Variants in LIAS observed in about 807,000 individuals in gnomAD.
The protein encoded by LIAS is lipoyl synthase, mitochondrial.
Under a neutral mutation model 49.4 loss-of-function variants are expected in LIAS, and 36 were observed. The ratio of observed to expected loss-of-function variants is 0.73; its 90% CI spans 0.56 to 0.96. The LOEUF is 0.96. Ranked by LOEUF, LIAS falls within the 40% of genes least tolerant of loss-of-function variation. LIAS has a pLI of 0.00. For missense variants in LIAS, 399 were observed against 456.3 expected (o/e 0.87, Z 1.14); for synonymous variants, 145 against 155.8 (o/e 0.93, Z 0.52).
At position 39,471,517 on chromosome 4, in the gene LIAS, A is replaced by ATTTTTTT. The variant is rs766866733; in HGVS notation, c.954+232_954+238dup. Among the ~76,000 whole-genome samples, 29 of 74,350 alleles carry ATTTTTTT rather than the reference A, an allele frequency of 3.9e-4. 1 individual carries two copies. The highest frequency in any genetic ancestry group is 6.3e-4 in the South Asian group (1 of 1,576). 48.8% of individuals were successfully genotyped at this position (74,350 alleles called of 152,430 possible). A position where few individuals can be genotyped will look rare whatever the true frequency, so the allele number is the denominator to read the frequency against. ...TCCGGCTAAAATATACATATATATA[A>ATTTTTTT]TTTTTTTTTTTTTTTTTTTTTTTTT... On this transcript the variant is annotated intron_variant, in intron 9 of 10. Transcript: ENST00000640888.
At chr4:39,474,618 T>C (rs891977815) in intron 10 of LIAS, among the ~76,000 whole-genome samples, 1 of 151,414 alleles carries the variant, frequency 6.6e-6, no homozygotes, top group African/African-American at 2.4e-5. Context: ...TTTTTTTAGA[T>C]GCAGTCTCTC....
At chr4:39,473,005 C>A (rs899880204) in intron 9 of LIAS, 95 bp from the exon 10 acceptor site, 2 of 690,452 alleles carry the variant, frequency 2.9e-6, no homozygotes, top group African/African-American at 3.6e-5. Flanking sequence ...AGATAAATTA[C>A]GCAGTGAAGA....
intron 2 of LIAS, among the ~76,000 whole-genome samples, chr4:39,461,293 T>A (rs1744487738): frequency 6.6e-6 from 1 of 152,236 alleles, no homozygotes; most frequent in South Asian, 2.1e-4. Flanking sequence ...GTGCTTCTCC[T>A]AGTCAATTTA....
At chr4:39,471,182 T>C in intron 8 of LIAS, 54 bp from the exon 9 acceptor site, 1 of 1,320,092 alleles carries the variant, frequency 7.6e-7, no homozygotes, top group Non-Finnish European at 1.1e-6. Context: ...AAAATTATGC[T>C]TAGATCTACA....
Position 39,473,119 on chromosome 4 carries a change from C to T in LIAS, c.974C>T (p.Pro325Leu). 1 of 1,596,900 alleles carries T rather than the reference C, an allele frequency of 6.3e-7. No homozygotes were observed. The highest frequency in any genetic ancestry group is 8.6e-7 in the Non-Finnish European group (1 of 1,164,380). ...RHLKVEEYIT[P>L]EKFKYWEKVG... is the part of the protein sequence containing the mutation. ...ATCTAGGTTGAAGAATATATTACTC[C>T]TGAAAAATTCAAATACTGGGAAAAA... Residue 325 changes from proline (P) to leucine (L), a missense_variant, in exon 10 of 11, where the codon CCT becomes CTT. By Grantham distance (98) the Pro-to-Leu change is moderately conservative. Around this residue, in one of 3 missense-constraint regions of LIAS, gnomAD observed 234 missense variants for 292.2 expected, o/e 0.80. Transcript: ENST00000640888.
chr4:39,460,783 T>C lies in LIAS; in HGVS notation c.46-7T>C, dbSNP rs757971565. 2.6e-6 allele frequency: 4 copies of C among 1,557,122 alleles called. No individual in the cohort carries two copies. The highest frequency in any genetic ancestry group is 4.2e-5 in the Admixed American group (2 of 47,978). On this transcript the variant is annotated splice_region_variant and splice_polypyrimidine_tract_variant and intron_variant, in intron 1 of 10. Coordinates refer to ENST00000640888, the MANE Select transcript of LIAS (RefSeq NM_006859.4). ...TAAATAAACGTCATAATTAACTCTT[T>C]CTTTAGGTATTTGGGAGATATTTTT...
chr4:39,463,586 C>T lies in LIAS; in HGVS notation c.374C>T (p.Thr125Ile). The T allele has an allele frequency of 6.2e-7, 1 of 1,612,550 alleles. No individual in the cohort carries two copies. ...GECWGGGEYA[T>I]ATATIMLMGD... ...TGTTGGGGAGGTGGAGAATATGCCA[C>T]CGCCACAGCCACGATCATGGTAGGG... The change falls in exon 4 of 11, where the codon ACC (threonine) becomes ATC (isoleucine). Residue 125 changes from threonine (T) to isoleucine (I), a missense_variant. This residue lies in a region of LIAS where 6 missense variants were observed against 16.6 expected (regional missense o/e 0.36). Coordinates refer to ENST00000640888, the MANE Select transcript of LIAS (RefSeq NM_006859.4).
At chr4:39,463,916 A>G (rs1744652344) in intron 4 of LIAS, 1 of 264,408 alleles carries the variant, frequency 3.8e-6, no homozygotes, top group African/African-American at 2.2e-5. Context: ...TTTCTGTTTA[A>G]CATATTCAAC....
intron 4 of LIAS, among the ~76,000 whole-genome samples, chr4:39,464,600 A>G (rs142656582): frequency 4.1e-4 from 62 of 152,198 alleles, no homozygotes; most frequent in African/African-American, 1.2e-3. Context: ...AGGCTCAAGT[A>G]ATCCTCCTAT....
chr4:39,462,214 G>A lies in LIAS; in HGVS notation c.237G>A (p.Trp79Ter). 2 of 1,553,446 alleles carry A rather than the reference G, an allele frequency of 1.3e-6. No individual in the cohort carries two copies. The highest frequency in any genetic ancestry group is 2.5e-5 in the East Asian group (1 of 40,110). Reference protein sequence around the residue: ...QKGERLRLPPWLKTEIPMGKN... With the variant: ...QKGERLRLPP Reference sequence around the variant, plus strand: ...TCCTTAGGTTAAGACTACCTCCATGGCTAAAGACAGAGATTCCCATGGGGA... The same window carrying A: ...TCCTTAGGTTAAGACTACCTCCATGACTAAAGACAGAGATTCCCATGGGGA... Residue 79 changes from tryptophan (W) to a stop codon, truncating the protein, a stop_gained, in exon 3 of 11, where the codon TGG becomes TGA. Transcript: ENST00000640888. LOFTEE classifies it high-confidence loss of function.
chr4:39,459,975 A>G (rs905983388), intron 1 of LIAS, among the ~76,000 whole-genome samples: 1 of 152,004 alleles, frequency 6.6e-6, no homozygotes, highest in Non-Finnish European at 1.5e-5. Flanking sequence ...AAAAAAAAGA[A>G]AAAGAAAGTA....
At chr4:39,463,700 T>C in intron 4 of LIAS, 95 bp downstream of exon 4, 1 of 1,424,738 alleles carries the variant, frequency 7.0e-7, no homozygotes. Context: ...GAATCTCTGG[T>C]CAGATTTTTC....
In LIAS at chr4:39,477,704, AT is replaced by A. The variant is rs1745248850; in HGVS notation, c.*590del. 6.6e-6 allele frequency: 1 copy of A among 151,596 alleles called. No individual in the cohort carries two copies. The highest frequency in any genetic ancestry group is 6.6e-5 in the Admixed American group (1 of 15,218). The allele number at this position is 151,596 out of a possible 1,614,324, so 9.4% of individuals were successfully genotyped here. The stretch of plus-strand genomic sequence containing the variant: ...CATAATTTTAAAATGCATTAAAAAC[AT>A]GGCATGGTGGCTCACACCTATAATC... On this transcript the variant is annotated 3_prime_UTR_variant, in exon 11 of 11. Transcript: ENST00000640888.
intron 10 of LIAS, chr4:39,473,818 G>C (rs1343812014): frequency 6.6e-6 from 1 of 152,080 alleles, no homozygotes. Context: ...AGCTTGAATT[G>C]ATTTATGAAA....
intron 7 of LIAS, 110 bp downstream of exon 7, chr4:39,467,756 C>G: frequency 8.8e-7 from 1 of 1,136,828 alleles, no homozygotes; most frequent in Non-Finnish European, 1.2e-6. Flanking sequence ...AAAGTAAACT[C>G]TATTCTTTTT....
chr4:39,461,974 T>C (rs1168917422), intron 2 of LIAS, among the ~76,000 whole-genome samples: 1 of 152,248 alleles, frequency 6.6e-6, no homozygotes. Flanking sequence ...ATTACAGGCA[T>C]GAGCCACCAC....
chr4:39,468,521 A>ATATATTTTTT (rs1468216619), intron 7 of LIAS: 5 of 139,588 alleles, frequency 3.6e-5, no homozygotes, highest in African/African-American at 1.3e-4. Context: ...ATATATATAT[A>ATATATTTTTT]TTTTTTTATA....
chr4:39,477,076 G>T lies in LIAS; in HGVS notation c.1080G>T (p.Leu360=). The change falls in exon 11 of 11, where the codon CTG becomes CTT. Residue 360 remains leucine (L), a synonymous_variant. Coordinates refer to ENST00000640888, the MANE Select transcript of LIAS (RefSeq NM_006859.4). ...RSSYKAGEFF[L]KNLVAKRKTK... is the part of the protein sequence containing the mutation. The stretch of plus-strand genomic sequence containing the variant: ...TTTCCTAAATAGGTGAATTTTTCCT[G>T]AAAAATCTAGTGGCTAAAAGAAAAA... The T allele has an allele frequency of 6.3e-7, 1 of 1,595,178 alleles. No individual in the cohort carries two copies. Among genetic ancestry groups the T allele is most frequent in the South Asian group, 1.1e-5 (1 of 87,284 alleles).
intron 7 of LIAS, chr4:39,468,849 G>A (rs913705029): frequency 3.4e-5 from 5 of 146,934 alleles, no homozygotes; most frequent in African/African-American, 1.3e-4. Context: ...ACTCCATCCT[G>A]GGCGACAGCA....
Sources: gnomAD v4.1 joint callset for allele counts (sites outside exome capture counted in the v4.1 genomes callset) on GRCh38, gnomAD v4.1.1 for gene constraint, gnomAD v4.1.1 regional missense constraint, MANE v1.5 for transcripts, NCBI Gene and HGNC (gene_info 2026-07-23, HGNC 2026-07-21) for gene names.